Variants in ACTR8 observed in about 807,000 individuals in gnomAD.
ACTR8 encodes actin-related protein 8.
Under a neutral mutation model 84.3 loss-of-function variants are expected in ACTR8, and 70 were observed. The observed-to-expected ratio is 0.83, with a 90% confidence interval of 0.68 to 1.01. The LOEUF is 1.01. Ranked by LOEUF, ACTR8 falls within the 50% of genes least tolerant of loss-of-function variation. The pLI is 0.00. For synonymous variants in ACTR8, 268 were observed against 275.2 expected, an observed-to-expected ratio of 0.97 and a Z score of 0.26; for missense variants, 672 against 775.4, an observed-to-expected ratio of 0.87 and a Z score of 1.58.
chr3:53,860,945 C>G, the ACTR8 span: 1 of 152,140 alleles, frequency 6.6e-6, no homozygotes, highest in Non-Finnish European at 1.5e-5. Flanking sequence ...TTGAGAGAAA[C>G]GTGAGCATAA....
At chr3:53,865,965 A>G (rs545246884), downstream of ACTR8, among the ~76,000 whole-genome samples, 1 of 152,366 alleles carries the variant, frequency 6.6e-6, no homozygotes, top group South Asian at 2.1e-4. Flanking sequence ...AAAGTTACCT[A>G]TTAGAGGTCA....
At chr3:53,863,980 G>C (rs866653167), downstream of ACTR8, among the ~76,000 whole-genome samples, 3 of 151,962 alleles carry the variant, frequency 2.0e-5, no homozygotes, top group South Asian at 6.2e-4. Context: ...ATGCCATCAA[G>C]CCCAGCTAAT....
At chr3:53,862,854 T>C (rs777868154), downstream of ACTR8, among the ~76,000 whole-genome samples, 20 of 152,018 alleles carry the variant, frequency 1.3e-4, no homozygotes, top group Non-Finnish European at 2.8e-4. Flanking sequence ...TTTAGAAAAA[T>C]GAAAAAGCAA....
At position 53,880,153 on chromosome 3, in the gene ACTR8, C is replaced by A. The variant is rs200512844; in HGVS notation, c.124-44G>T. 7.6e-6 allele frequency: 12 copies of A among 1,571,772 alleles called. No individual in the cohort carries two copies. In the Admixed American group the frequency reaches 1.7e-4, roughly 22 times the overall value. On this transcript the variant is annotated intron_variant, in intron 1 of 12. Coordinates refer to ENST00000335754, the MANE Select transcript of ACTR8 (RefSeq NM_022899.5). ...GATGTGTGACTTTGTAAATAATATG[C>A]AGGTAACAAAGTTAAACAACATACA...
chr3:53,866,763 G>C (rs898617197), downstream of ACTR8, among the ~76,000 whole-genome samples: 2 of 152,174 alleles, frequency 1.3e-5, no homozygotes, highest in African/African-American at 4.8e-5. Flanking sequence ...TTACAGGTGT[G>C]AGCCACGGCG....
In ACTR8 at chr3:53,867,727, T is replaced by C. The variant is rs1699815638; in HGVS notation, c.*992A>G. The C allele has an allele frequency of 6.6e-6, 1 of 152,216 alleles. No homozygotes were observed. Among genetic ancestry groups the C allele is most frequent in the African/African-American group, 2.4e-5 (1 of 41,460 alleles). 9.4% of individuals were successfully genotyped at this position (152,216 alleles called of 1,614,324 possible). A position where few individuals can be genotyped will look rare whatever the true frequency, so the allele number is the denominator to read the frequency against. ...TCCTACCTCTGGACAATGCTTTCTC[T>C]TCCTCCTGGGCTCAGAGGGCTTCAC... On this transcript the variant is annotated 3_prime_UTR_variant, in exon 13 of 13. Transcript: ENST00000335754.
At chr3:53,871,603 C>T in intron 10 of ACTR8, 107 bp from the exon 11 acceptor site, 2 of 1,277,864 alleles carry the variant, frequency 1.6e-6, no homozygotes, top group Non-Finnish European at 2.2e-6. Context: ...ACAAAAGCCA[C>T]ACAGCAATAC....
At chr3:53,875,120 A>G (rs1362704264) in intron 7 of ACTR8, among the ~76,000 whole-genome samples, 1 of 152,246 alleles carries the variant, frequency 6.6e-6, no homozygotes, top group Non-Finnish European at 1.5e-5. Flanking sequence ...TTTTATTGGT[A>G]GGAAACCTGG....
chr3:53,865,025 G>A (rs372602299), downstream of ACTR8: 127 of 1,613,964 alleles, frequency 7.9e-5, 1 homozygote, highest in Non-Finnish European at 1.1e-4. Flanking sequence ...GGTACCTGTG[G>A]CAAGAGCGAG....
At position 53,878,476 on chromosome 3, in the gene ACTR8, A is replaced by C; in HGVS notation, c.295-9T>G. Reference sequence around the variant, plus strand: ...TCATTACTTTCTGGTTTCTGGGGAAAAAATGAAAGATGAGCAGTACAAAGG... The same window carrying C: ...TCATTACTTTCTGGTTTCTGGGGAACAAATGAAAGATGAGCAGTACAAAGG... On this transcript the variant is annotated splice_polypyrimidine_tract_variant and intron_variant, in intron 2 of 12. Coordinates refer to ENST00000335754, the MANE Select transcript of ACTR8 (RefSeq NM_022899.5). 1 of 1,532,674 alleles carries C rather than the reference A, an allele frequency of 6.5e-7. No individual in the cohort carries two copies. Among genetic ancestry groups the C allele is most frequent in the Non-Finnish European group, 9.0e-7 (1 of 1,108,414 alleles). The allele number at this position is 1,532,674 out of a possible 1,614,324, so 94.9% of individuals were successfully genotyped here.
At chr3:53,865,200 C>T, downstream of ACTR8, 1 of 1,614,054 alleles carries the variant, frequency 6.2e-7, no homozygotes, top group Non-Finnish European at 8.5e-7. Context: ...CCAAGTACCA[C>T]CTCATGAAGG....
intron 1 of ACTR8, chr3:53,881,583 G>A (rs771578708): frequency 1.0e-5 from 3 of 291,500 alleles, no homozygotes; most frequent in South Asian, 3.2e-5. Context: ...ACAGGCTGAC[G>A]CTCCCAGTGA....
At position 53,868,768 on chromosome 3, in the gene ACTR8, T is replaced by C; in HGVS notation, c.1826A>G (p.Gln609Arg). 1.2e-6 allele frequency: 2 copies of C among 1,614,228 alleles called. No individual in the cohort carries two copies. The highest frequency in any genetic ancestry group is 2.2e-5 in the South Asian group (2 of 91,088). Residue 609 changes from glutamine to arginine, a missense_variant, in exon 13 of 13, where the codon CAG becomes CGG. Transcript: ENST00000335754. ...TCGTAACATGCGGACACCAAAGCGCTGCCACTCTCGCTGATAAATCCACAG... is the reference window on the plus strand; with the variant it reads ...TCGTAACATGCGGACACCAAAGCGCCGCCACTCTCGCTGATAAATCCACAG... ...QELWIYQREWQRFGVRMLRER... is the reference protein window; with the variant it reads ...QELWIYQREWRRFGVRMLRER...
intron 1 of ACTR8, chr3:53,881,707 G>C (rs1700063115): frequency 3.6e-6 from 2 of 551,960 alleles, no homozygotes; most frequent in East Asian, 6.6e-5. Flanking sequence ...CCAGAGCCCG[G>C]GCAGGAGCGC....
the ACTR8 span, chr3:53,859,724 CT>C: frequency 1.9e-5 from 3 of 156,286 alleles, no homozygotes; most frequent in African/African-American, 7.2e-5. Context: ...GATTTTAGGA[CT>C]GTTCTTAACT....
At chr3:53,859,884 A>C in the ACTR8 span, 1 of 375,202 alleles carries the variant, frequency 2.7e-6, no homozygotes, top group East Asian at 4.6e-5. Context: ...GCGGTGACAC[A>C]TGCCTGTAAT....
chr3:53,869,142 G>A (rs11714234), intron 12 of ACTR8, among the ~76,000 whole-genome samples: 10,987 of 152,190 alleles, frequency 0.072, 600 homozygotes, highest in Middle Eastern at 0.16. Context: ...TTAGCCAGGC[G>A]TGGTGGCAGG....
downstream of ACTR8, chr3:53,865,615 C>G (rs139753652): frequency 4.3e-4 from 124 of 291,160 alleles, no homozygotes; most frequent in African/African-American, 2.6e-3. Context: ...TTCCATAGAC[C>G]ATGCATTGCA....
chr3:53,876,606 G>T lies in ACTR8; in HGVS notation c.778+14C>A. The T allele has an allele frequency of 1.4e-6, 2 of 1,428,320 alleles. No individual in the cohort carries two copies. Among genetic ancestry groups the T allele is most frequent in the Non-Finnish European group, 2.0e-6 (2 of 1,023,102 alleles). 88.5% of individuals were successfully genotyped at this position (1,428,320 alleles called of 1,614,324 possible). The stretch of plus-strand genomic sequence containing the variant: ...TTCCATTTAAAATAGGTTTCACTGG[G>T]ATATCAGACATACCTGAAAAACCCA... On this transcript the variant is annotated intron_variant, in intron 6 of 12. Transcript: ENST00000335754.
Sources: gnomAD v4.1 joint callset for allele counts (sites outside exome capture counted in the v4.1 genomes callset) on GRCh38, gnomAD v4.1.1 for gene constraint, MANE v1.5 for transcripts, NCBI Gene and HGNC (gene_info 2026-07-23, HGNC 2026-07-21) for gene names.